DSCAM: variants seen among roughly 807,000 people sequenced by gnomAD.
DSCAM encodes DS cell adhesion molecule.
A neutral mutation model predicts 217.7 loss-of-function variants in DSCAM; 47 were observed. The ratio of observed to expected loss-of-function variants is 0.22; its 90% CI spans 0.17 to 0.28. DSCAM has a LOEUF of 0.28. Ranked by LOEUF, DSCAM falls within the 10% of genes least tolerant of loss-of-function variation. The probability of loss-of-function intolerance (pLI) is 1.00; values close to 1 mark genes in which losing one functional copy is unlikely to be tolerated. For missense variants in DSCAM, 2,080 were observed against 2,618.3 expected (o/e 0.79, Z 4.49); for synonymous variants, 1,056 against 1,015.3 (o/e 1.04, Z -0.76).
chr21:40,470,918 G>T (rs141976025), intron 3 of DSCAM, among the ~76,000 whole-genome samples: 1 of 152,170 alleles, frequency 6.6e-6, no homozygotes, highest in African/African-American at 2.4e-5. Flanking sequence ...AGTAGTCTTA[G>T]AATGCCACAT....
intron 3 of DSCAM, among the ~76,000 whole-genome samples, chr21:40,426,769 T>G (rs1379216508): frequency 6.6e-6 from 1 of 152,068 alleles, no homozygotes; most frequent in Non-Finnish European, 1.5e-5. Flanking sequence ...ACAGCAAACA[T>G]GACAATGGGA....
intron 1 of DSCAM, among the ~76,000 whole-genome samples, chr21:40,839,581 A>G (rs2092083601): frequency 6.6e-6 from 1 of 152,178 alleles, no homozygotes; most frequent in Non-Finnish European, 1.5e-5. Flanking sequence ...CACTTCTAGA[A>G]TATTCTGCAG....
At chr21:40,343,930 G>A (rs1469198319) in intron 6 of DSCAM, among the ~76,000 whole-genome samples, 4 of 134,662 alleles carry the variant, frequency 3.0e-5, no homozygotes, top group Admixed American at 2.5e-4. Flanking sequence ...TAGAGATGGA[G>A]TCTCACTCTG....
At position 40,127,170 on chromosome 21, in the gene DSCAM, G is replaced by T. The variant is rs139878178; in HGVS notation, c.3563-2842C>A. On this transcript the variant is annotated intron_variant, in intron 19 of 32. Transcript: ENST00000400454. ...AATTCATGTAAATCATTTATTTATT[G>T]TTCTCTGTACAGTAAGCACCAAATA... 4.2e-3 allele frequency among the ~76,000 whole-genome samples: 646 copies of T among 152,122 alleles called. 8 individuals carry two copies. The highest frequency in any genetic ancestry group is 0.014 in the African/African-American group (598 of 41,512).
chr21:40,074,901 A>T, intron 27 of DSCAM, 136 bp downstream of exon 27: 9 of 824,132 alleles, frequency 1.1e-5, no homozygotes, highest in Non-Finnish European at 1.7e-5. Flanking sequence ...ATGTCAGAGA[A>T]CCAGGCAGTG....
chr21:40,370,657 A>G (rs1422784596), intron 3 of DSCAM, among the ~76,000 whole-genome samples: 1 of 151,738 alleles, frequency 6.6e-6, no homozygotes, highest in Non-Finnish European at 1.5e-5. Flanking sequence ...GTCTGGCTGT[A>G]TTATCCAGGC....
chr21:40,082,320 C>T (rs2089473949), intron 24 of DSCAM, among the ~76,000 whole-genome samples: 3 of 152,110 alleles, frequency 2.0e-5, no homozygotes, highest in Non-Finnish European at 2.9e-5. Context: ...ATCAGTCGGA[C>T]GTGGTGACAC....
At chr21:40,346,215 GCA>G (rs1391011207) in intron 6 of DSCAM, among the ~76,000 whole-genome samples, 2 of 152,180 alleles carry the variant, frequency 1.3e-5, no homozygotes, top group Non-Finnish European at 2.9e-5. Flanking sequence ...ATTACTTTCT[GCA>G]CTTAATTATT....
At chr21:40,349,136 C>CAAAAAAAAAGAAAAAAAAAAAAAAAAAA (rs2074600418) in intron 5 of DSCAM, among the ~76,000 whole-genome samples, 1 of 38,720 alleles carries the variant, frequency 2.6e-5, no homozygotes, top group African/African-American at 9.7e-5. Context: ...GACTCCATCT[C>CAAAAAAAAAGAAAAAAAAAAAAAAAAAA]AAAAAAAAAA....
chr21:40,780,413 G>GTATATA (rs1196794146), intron 1 of DSCAM, among the ~76,000 whole-genome samples: 15 of 45,118 alleles, frequency 3.3e-4, no homozygotes, highest in South Asian at 8.3e-4. Context: ...GTGTGTGTGT[G>GTATATA]TGTGTGTGTG....
At chr21:40,108,748 T>C (rs956452647) in intron 20 of DSCAM, among the ~76,000 whole-genome samples, 1 of 152,132 alleles carries the variant, frequency 6.6e-6, no homozygotes, top group Non-Finnish European at 1.5e-5. Context: ...GACTTCAAAC[T>C]ATACTACAGG....
chr21:40,118,486 C>A (rs1359472935), intron 20 of DSCAM, among the ~76,000 whole-genome samples: 1 of 152,134 alleles, frequency 6.6e-6, no homozygotes, highest in African/African-American at 2.4e-5. Context: ...ACTCAGGAGG[C>A]TGAGGCAGGA....
Position 40,464,866 on chromosome 21 carries a change from G to A in DSCAM, c.509-95621C>T, listed in dbSNP as rs149780090. ...TGCAATTCTCTGTCCTCAGCCTCCC[G>A]AGTAGCTGGGACTACAGGCACACAT... On this transcript the variant is annotated intron_variant, in intron 3 of 32. Coordinates refer to ENST00000400454, the MANE Select transcript of DSCAM (RefSeq NM_001389.5). 7.7e-3 allele frequency among the ~76,000 whole-genome samples: 1,174 copies of A among 151,608 alleles called. 19 individuals carry two copies. The highest frequency in any genetic ancestry group is 0.027 in the African/African-American group (1,095 of 41,304).
intron 3 of DSCAM, among the ~76,000 whole-genome samples, chr21:40,440,807 C>A (rs1449799858): frequency 6.6e-6 from 1 of 151,538 alleles, no homozygotes; most frequent in Non-Finnish European, 1.5e-5. Flanking sequence ...AGGACCTATA[C>A]CACATGAGGT....
intron 3 of DSCAM, among the ~76,000 whole-genome samples, chr21:40,517,951 T>C (rs1430947517): frequency 6.6e-6 from 1 of 152,076 alleles, no homozygotes; most frequent in Non-Finnish European, 1.5e-5. Context: ...GCTCTGAGTA[T>C]GAGCTTTAGC....
chr21:40,379,005 A>G (rs1399594421), intron 3 of DSCAM, among the ~76,000 whole-genome samples: 1 of 152,222 alleles, frequency 6.6e-6, no homozygotes, highest in African/African-American at 2.4e-5. Flanking sequence ...GTATATGTAC[A>G]CATACCCTGC....
chr21:40,787,710 T>C (rs1229359926), intron 1 of DSCAM, among the ~76,000 whole-genome samples: 1 of 152,204 alleles, frequency 6.6e-6, no homozygotes, highest in African/African-American at 2.4e-5. Context: ...ATAATTAATA[T>C]ACTCTTAGTA....
chr21:40,205,842 T>C (rs1159652048), intron 11 of DSCAM, among the ~76,000 whole-genome samples: 3 of 152,120 alleles, frequency 2.0e-5, no homozygotes, highest in Non-Finnish European at 4.4e-5. Flanking sequence ...GGATAGTAAA[T>C]AATGTTTAAA....
intron 1 of DSCAM, among the ~76,000 whole-genome samples, chr21:40,792,328 T>C (rs1200532871): frequency 3.3e-5 from 5 of 151,900 alleles, no homozygotes; most frequent in Admixed American, 3.3e-4. Context: ...TTAGTAGAGA[T>C]GGGGTTTCAC....
Sources: gnomAD v4.1 joint callset for allele counts (sites outside exome capture counted in the v4.1 genomes callset) on GRCh38, gnomAD v4.1.1 for gene constraint, MANE v1.5 for transcripts, NCBI Gene and HGNC (gene_info 2026-07-23, HGNC 2026-07-21) for gene names.